Variants in GLIS3 observed in about 807,000 individuals in gnomAD.
GLIS3 encodes the protein GLIS family zinc finger 3.
GLIS3 carries 53 observed loss-of-function variants against 78.6 expected under a neutral mutation model. That is an observed-to-expected ratio of 0.67 (90% CI 0.54 to 0.85). The LOEUF is 0.85. GLIS3 is among the 40% of genes least tolerant of loss of function. GLIS3 has a pLI of 0.00. For missense variants in GLIS3, 1,703 were observed against 1,231.1 expected (o/e 1.38, Z -5.74); for synonymous variants, 684 against 509.9 (o/e 1.34, Z -4.60).
intron 2 of GLIS3, among the ~76,000 whole-genome samples, chr9:4,143,765 C>T (rs1487081501): frequency 6.6e-6 from 1 of 152,176 alleles, no homozygotes; most frequent in African/African-American, 2.4e-5. Context: ...ACTATTCTAC[C>T]CTCTGCTGCT....
chr9:4,021,708 C>G (rs776675607), intron 4 of GLIS3, among the ~76,000 whole-genome samples: 1 of 152,164 alleles, frequency 6.6e-6, no homozygotes, highest in Non-Finnish European at 1.5e-5. Context: ...GGCTTAGAGA[C>G]TTTCCTTGAG....
Position 4,074,497 on chromosome 9 carries a change from T to G in GLIS3, c.1710+43271A>C, listed in dbSNP as rs537476962. On this transcript the variant is annotated intron_variant, in intron 4 of 10. Transcript: ENST00000381971. ...TTCCATCCCGGTTCTCCATCTCTTC[T>G]GTGATCAATGTCCTAAGCTGGTTTC... is the stretch of plus-strand genomic sequence containing the variant. Among the ~76,000 whole-genome samples the G allele has an allele frequency of 3.9e-5, 6 of 152,338 alleles. No homozygotes were observed. The South Asian group carries it at 1.2e-3, about 32-fold the overall frequency.
At chr9:4,223,822 A>G (rs1424659892) in intron 2 of GLIS3, among the ~76,000 whole-genome samples, 1 of 152,128 alleles carries the variant, frequency 6.6e-6, no homozygotes, top group African/African-American at 2.4e-5. Flanking sequence ...TATGAGGAGG[A>G]ACATCCCAGG....
At chr9:4,307,051 GAC>G (rs1817243032) in intron 4 of GLIS3, among the ~76,000 whole-genome samples, 1 of 152,214 alleles carries the variant, frequency 6.6e-6, no homozygotes, top group Non-Finnish European at 1.5e-5. Context: ...ATCTGTTTAA[GAC>G]ACAGTTTAGT....
intron 8 of GLIS3, among the ~76,000 whole-genome samples, chr9:3,866,742 G>A (rs1372709908): frequency 6.6e-6 from 1 of 152,226 alleles, no homozygotes; most frequent in Non-Finnish European, 1.5e-5. Flanking sequence ...ACAGGGTCAT[G>A]TACACTACAA....
intron 7 of GLIS3, among the ~76,000 whole-genome samples, chr9:3,881,566 G>A (rs989321413): frequency 6.6e-6 from 1 of 152,090 alleles, no homozygotes; most frequent in Non-Finnish European, 1.5e-5. Flanking sequence ...GGGAAATTGG[G>A]GATTGTTTGT....
the GLIS3 span, among the ~76,000 whole-genome samples, chr9:4,439,608 T>C: frequency 2.6e-5 from 4 of 152,360 alleles, no homozygotes; most frequent in African/African-American, 9.6e-5. Context: ...GTAAACACCA[T>C]TCTACTCTCT....
intron 6 of GLIS3, among the ~76,000 whole-genome samples, chr9:3,910,380 T>C (rs1436049371): frequency 3.9e-5 from 6 of 152,308 alleles, no homozygotes; most frequent in African/African-American, 1.4e-4. Context: ...GAGACAGTCT[T>C]GTTCTGTCAC....
intron 2 of GLIS3, among the ~76,000 whole-genome samples, chr9:4,266,232 T>C (rs1825995859): frequency 6.6e-6 from 1 of 152,062 alleles, no homozygotes; most frequent in African/African-American, 2.4e-5. Context: ...CTCACCCTGC[T>C]TCTTAACTTT....
chr9:3,982,782 A>C (rs1819410918), intron 4 of GLIS3, among the ~76,000 whole-genome samples: 1 of 152,192 alleles, frequency 6.6e-6, no homozygotes, highest in South Asian at 2.1e-4. Context: ...GTTGGCTTGC[A>C]TCTCAACTTC....
intron 4 of GLIS3, among the ~76,000 whole-genome samples, chr9:3,991,911 T>C (rs1751570): frequency 0.24 from 36,019 of 151,798 alleles, 6,129 homozygotes; most frequent in African/African-American, 0.48. Context: ...AGGACAGTCT[T>C]GATCTCCTGA....
chr9:4,056,835 C>A (rs1826190218), intron 4 of GLIS3, among the ~76,000 whole-genome samples: 4 of 150,300 alleles, frequency 2.7e-5, no homozygotes, highest in Admixed American at 2.7e-4. Context: ...GCAAAAGCAG[C>A]CGACTAATTG....
chr9:3,959,807 T>C (rs1055557313), intron 4 of GLIS3, among the ~76,000 whole-genome samples: 3 of 152,178 alleles, frequency 2.0e-5, no homozygotes, highest in Admixed American at 2.0e-4. Flanking sequence ...CAAATTAAAA[T>C]GAGGTCATTA....
intron 2 of GLIS3, among the ~76,000 whole-genome samples, chr9:4,209,387 G>C (rs576071562): frequency 6.6e-6 from 1 of 152,092 alleles, no homozygotes. Flanking sequence ...TCATGGGTGT[G>C]GACCAGAGAA....
At chr9:4,306,639 G>T (rs1179939048) in intron 4 of GLIS3, among the ~76,000 whole-genome samples, 2 of 152,188 alleles carry the variant, frequency 1.3e-5, no homozygotes, top group African/African-American at 4.8e-5. Context: ...TTCCTGGAAT[G>T]GCATTCAGAA....
chr9:4,420,456 G>A, the GLIS3 span, among the ~76,000 whole-genome samples: 1 of 152,168 alleles, frequency 6.6e-6, no homozygotes, highest in Non-Finnish European at 1.5e-5. Context: ...TTACTCGTAA[G>A]GTGCTGTGAT....
At chr9:4,189,565 CGTT>C (rs1818136231) in intron 2 of GLIS3, among the ~76,000 whole-genome samples, 2 of 152,092 alleles carry the variant, frequency 1.3e-5, no homozygotes, top group Non-Finnish European at 2.9e-5. Context: ...CTTTCTGTCT[CGTT>C]GATCTGTCTA....
At position 4,066,414 on chromosome 9, in the gene GLIS3, T is replaced by C. The variant is rs141526535; in HGVS notation, c.1710+51354A>G. Among the ~76,000 whole-genome samples the C allele has an allele frequency of 7.6e-3, 1,164 of 152,276 alleles. 14 individuals are homozygous for C. Among genetic ancestry groups the C allele is most frequent in the African/African-American group, 0.027 (1,117 of 41,552 alleles). ...GCCTTCTGCAGAACACATGCATTTT[T>C]CCAGCCACCTCCTGGTTGTGAAACA... is the stretch of plus-strand genomic sequence containing the variant. On this transcript the variant is annotated intron_variant, in intron 4 of 10. Transcript: ENST00000381971.
intron 4 of GLIS3, among the ~76,000 whole-genome samples, chr9:4,037,012 C>A (rs1283506105): frequency 6.6e-6 from 1 of 152,144 alleles, no homozygotes; most frequent in Admixed American, 6.5e-5. Flanking sequence ...CAGGGGTGTC[C>A]ATGTTCTAAC....
Sources: allele counts gnomAD v4.1 joint callset (sites outside exome capture counted in the v4.1 genomes callset), GRCh38; gene constraint gnomAD v4.1.1; transcripts MANE v1.5; gene names NCBI Gene and HGNC (gene_info 2026-07-23, HGNC 2026-07-21).